The following NVL variants were observed in gnomAD, a reference collection of about 807,000 sequenced individuals.
NVL encodes nuclear valosin-containing protein-like.
Under a neutral mutation model 110.2 loss-of-function variants are expected in NVL, and 84 were observed. The ratio of observed to expected loss-of-function variants is 0.76; its 90% CI spans 0.64 to 0.91. The LOEUF is 0.91. Among genes scored for constraint, NVL ranks in the 40% least tolerant of loss-of-function variants. The probability of loss-of-function intolerance (pLI) is 0.00; values close to 1 mark genes in which losing one functional copy is unlikely to be tolerated. For synonymous variants in NVL, 354 were observed against 361.1 expected (o/e 0.98, Z 0.22); for missense variants, 882 against 1,035.9 (o/e 0.85, Z 2.04).
rs527501117 is a variant in NVL at position 224,241,654 on chromosome 1, G to A, written c.2290-5072C>T. On this transcript the variant is annotated intron_variant, in intron 19 of 22. Transcript: ENST00000281701. The stretch of plus-strand genomic sequence containing the variant: ...GTGGATCACCTGAGGTCAGGAGTTT[G>A]AGACTAGCCTGGCCAATATGGTGAA... Among the ~76,000 whole-genome samples, 480 of 152,132 alleles carry A rather than the reference G, an allele frequency of 3.2e-3. 6 individuals are homozygous for A. The highest frequency in any genetic ancestry group is 0.011 in the African/African-American group (446 of 41,526).
intron 11 of NVL, among the ~76,000 whole-genome samples, chr1:224,295,815 A>T (rs1311587566): frequency 6.6e-6 from 1 of 151,652 alleles, no homozygotes; most frequent in African/African-American, 2.4e-5. Flanking sequence ...CCGTCTCAAA[A>T]ATCAGCCAGG....
At chr1:224,263,247 A>T (rs1223719827) in intron 18 of NVL, among the ~76,000 whole-genome samples, 1 of 152,070 alleles carries the variant, frequency 6.6e-6, no homozygotes, top group East Asian at 1.9e-4. Context: ...TTGGGTGGGG[A>T]CACAGAGCCA....
chr1:224,254,563 GTTTTTTTTGTTTT>G (rs1295704232), intron 18 of NVL, among the ~76,000 whole-genome samples: 2 of 36,702 alleles, frequency 5.4e-5, no homozygotes, highest in Non-Finnish European at 1.8e-4. Flanking sequence ...CGGCTAATTT[GTTTTTTTTGTTTT>G]TTTTTTTTTT....
At chr1:224,285,880 A>G (rs1348139999) in intron 15 of NVL, 146 bp downstream of exon 15, 2 of 576,974 alleles carry the variant, frequency 3.5e-6, no homozygotes, top group Admixed American at 3.0e-5. Flanking sequence ...GGAAACTTTA[A>G]TGAAGAAAGT....
chr1:224,295,873 G>A (rs1667828413), intron 11 of NVL, among the ~76,000 whole-genome samples: 1 of 150,058 alleles, frequency 6.7e-6, no homozygotes, highest in South Asian at 2.2e-4. Flanking sequence ...GGCTGAGGAG[G>A]TGAATAGGTT....
At chr1:224,242,587 C>T (rs1312344919) in intron 19 of NVL, among the ~76,000 whole-genome samples, 2 of 149,454 alleles carry the variant, frequency 1.3e-5, no homozygotes, top group Non-Finnish European at 3.0e-5. Flanking sequence ...CCTGCCTCAG[C>T]CTTCCGAGTA....
At chr1:224,270,711 GAC>G (rs1449681480) in intron 17 of NVL, among the ~76,000 whole-genome samples, 1 of 151,900 alleles carries the variant, frequency 6.6e-6, no homozygotes, top group Non-Finnish European at 1.5e-5. Flanking sequence ...AAAAGAAAAA[GAC>G]AGCAATAGCA....
rs201413420 is a variant in NVL at position 224,279,098 on chromosome 1, G to GA, written c.1962+2024dup. Among the ~76,000 whole-genome samples, 431 of 151,816 alleles carry GA rather than the reference G, an allele frequency of 2.8e-3. 4 individuals are homozygous for GA. Among genetic ancestry groups the GA allele is most frequent in the African/African-American group, 9.6e-3 (399 of 41,402 alleles). On this transcript the variant is annotated intron_variant, in intron 16 of 22. Coordinates refer to ENST00000281701, the MANE Select transcript of NVL (RefSeq NM_002533.4). Reference sequence around the variant, plus strand: ...TCCTTCTGGGTATATACCCTAAGGGGAAAAAAATCTCACAAATATATGCAA... The same window carrying GA: ...TCCTTCTGGGTATATACCCTAAGGGGAAAAAAAATCTCACAAATATATGCAA...
chr1:224,305,149 A>G lies in NVL; in HGVS notation c.633T>C (p.Ser211=). 1 of 1,608,278 alleles carries G rather than the reference A, an allele frequency of 6.2e-7. No homozygotes were observed. Among genetic ancestry groups the G allele is most frequent in the Non-Finnish European group, 8.5e-7 (1 of 1,178,744 alleles). Residue 211 remains serine, a synonymous_variant, in exon 7 of 23, where the codon TCT becomes TCC. Transcript: ENST00000281701. ...TCCGTTTCATATCACTCTCCAAAAG[A>G]GAAGAATCTTTTGAATCCTGGAAAG... ...ITEIQDSKDS[S]LLESDMKRKG...
Position 224,271,178 on chromosome 1 carries a change from A to T in NVL, c.2083-3045T>A, listed in dbSNP as rs111433058. ...AAGTTATTACGTACATGAGAAAGTC[A>T]TCAAGACAGAATGACCACATTTATA... On this transcript the variant is annotated intron_variant, in intron 17 of 22. Transcript: ENST00000281701. 4.2e-3 allele frequency among the ~76,000 whole-genome samples: 634 copies of T among 152,300 alleles called. 3 individuals carry two copies. Among genetic ancestry groups the T allele is most frequent in the African/African-American group, 0.015 (606 of 41,564 alleles).
intron 2 of NVL, among the ~76,000 whole-genome samples, chr1:224,324,215 A>T (rs1670925420): frequency 6.6e-6 from 1 of 152,196 alleles, no homozygotes; most frequent in Non-Finnish European, 1.5e-5. Flanking sequence ...AACACAGAAA[A>T]GGTACAGTAC....
chr1:224,304,977 A>C lies in NVL; in HGVS notation c.748+57T>G. 19 of 1,598,692 alleles carry C rather than the reference A, an allele frequency of 1.2e-5. No homozygotes were observed. The South Asian group carries it at 2.0e-4, about 17-fold the overall frequency. ...CTCAAGCAAAATAGCTTGGGACAGA[A>C]TGATGCTTCTCTCACTGCAAACATG... On this transcript the variant is annotated intron_variant, in intron 7 of 22. Coordinates refer to ENST00000281701, the MANE Select transcript of NVL (RefSeq NM_002533.4).
intron 2 of NVL, among the ~76,000 whole-genome samples, chr1:224,318,307 G>C (rs1440754153): frequency 6.6e-6 from 1 of 152,120 alleles, no homozygotes; most frequent in African/African-American, 2.4e-5. Context: ...AAAACCATTT[G>C]AAAATAAGTT....
chr1:224,241,697 A>G (rs560657137), intron 19 of NVL, among the ~76,000 whole-genome samples: 5 of 152,084 alleles, frequency 3.3e-5, no homozygotes, highest in South Asian at 2.1e-4. Flanking sequence ...CTCTACTAAA[A>G]ATACAAAACT....
At chr1:224,298,285 C>A in intron 10 of NVL, 1 of 285,956 alleles carries the variant, frequency 3.5e-6, no homozygotes. Context: ...AAGGAATGTC[C>A]CACAAGTGTT....
chr1:224,228,274 A>C (rs577643459), intron 22 of NVL, among the ~76,000 whole-genome samples: 2 of 152,194 alleles, frequency 1.3e-5, no homozygotes, highest in Admixed American at 6.6e-5. Flanking sequence ...AACTACACTG[A>C]ATCCAGATGG....
rs181134098 is a variant in NVL at position 224,270,536 on chromosome 1, C to T, written c.2083-2403G>A. Among the ~76,000 whole-genome samples, 20 of 151,982 alleles carry T rather than the reference C, an allele frequency of 1.3e-4. No individual in the cohort carries two copies. The East Asian group carries it at 2.9e-3, about 22-fold the overall frequency. On this transcript the variant is annotated intron_variant, in intron 17 of 22. Transcript: ENST00000281701. Reference sequence around the variant, plus strand: ...TTGCATCATTGCATTCCAGCCTGGGCGACGGAGTGAGACTCTCAAAACAGA... The same window carrying T: ...TTGCATCATTGCATTCCAGCCTGGGTGACGGAGTGAGACTCTCAAAACAGA...
chr1:224,295,833 G>A (rs1291661966), intron 11 of NVL, among the ~76,000 whole-genome samples: 1 of 151,760 alleles, frequency 6.6e-6, no homozygotes, highest in Non-Finnish European at 1.5e-5. Context: ...AGGTGTGGTG[G>A]CACGCACCTG....
intron 9 of NVL, chr1:224,301,626 AC>A: frequency 3.2e-6 from 1 of 313,330 alleles, no homozygotes; most frequent in Non-Finnish European, 6.3e-6. Context: ...ACACAGTGAG[AC>A]CCCACCTCTA....
Sources: gnomAD v4.1 joint callset for allele counts (sites outside exome capture counted in the v4.1 genomes callset) on GRCh38, gnomAD v4.1.1 for gene constraint, MANE v1.5 for transcripts, NCBI Gene and HGNC (gene_info 2026-07-23, HGNC 2026-07-21) for gene names.